Variants in SPATA18 observed in about 807,000 individuals in gnomAD.
SPATA18 encodes the protein mitochondria-eating protein.
Under a neutral mutation model 68.1 loss-of-function variants are expected in SPATA18, and 54 were observed. That is an observed-to-expected ratio of 0.79 (90% CI 0.64 to 0.99). The LOEUF is 0.99. Ranked by LOEUF, SPATA18 falls within the 50% of genes least tolerant of loss-of-function variation. The pLI is 0.00. For synonymous variants in SPATA18, 242 were observed against 244.8 expected (o/e 0.99, Z 0.11); for missense variants, 724 against 681.1 (o/e 1.06, Z -0.70).
At chr4:52,092,403 A>G (rs1262486924) in intron 11 of SPATA18, among the ~76,000 whole-genome samples, 2 of 152,234 alleles carry the variant, frequency 1.3e-5, no homozygotes, top group Admixed American at 6.5e-5. Flanking sequence ...GGACAAGCGC[A>G]GCATCTGTGC....
chr4:52,084,956 G>C lies in SPATA18; in HGVS notation c.1520G>C (p.Ser507Thr). Residue 507 changes from serine (S) to threonine (T), a missense_variant, in exon 11 of 13, where the codon AGT becomes ACT. By Grantham distance (58) the Ser-to-Thr change is moderately conservative. Coordinates refer to ENST00000295213, the MANE Select transcript of SPATA18 (RefSeq NM_145263.4). ...VRSVSRCRSR[S>T]LSPICPRSQI... ...TCTGTAAGTCGTTGTCGAAGCAGGA[G>C]TTTAAGTCCCATTTGCCCCCGTAGC... The C allele has an allele frequency of 6.2e-7, 1 of 1,613,604 alleles. No homozygotes were observed. The highest frequency in any genetic ancestry group is 1.1e-5 in the South Asian group (1 of 91,050).
chr4:52,060,702 C>G (rs1738761997), intron 2 of SPATA18, 80 bp from the exon 3 acceptor site: 1 of 1,254,026 alleles, frequency 8.0e-7, no homozygotes, highest in South Asian at 1.3e-5. Flanking sequence ...TACATGTACA[C>G]AACGTGCAGG....
intron 6 of SPATA18, among the ~76,000 whole-genome samples, chr4:52,073,421 A>G (rs1740045281): frequency 6.6e-6 from 1 of 152,144 alleles, no homozygotes; most frequent in Non-Finnish European, 1.5e-5. Flanking sequence ...AGTTTACAAT[A>G]TACCCAGTAC....
chr4:52,093,364 T>C (rs1339491134), intron 11 of SPATA18, among the ~76,000 whole-genome samples: 3 of 152,062 alleles, frequency 2.0e-5, no homozygotes, highest in Non-Finnish European at 4.4e-5. Context: ...TGTTTTAGAA[T>C]GGGTGGAATT....
intron 11 of SPATA18, 39 bp from the exon 12 acceptor site, chr4:52,094,488 T>G (rs760446545): frequency 6.3e-7 from 1 of 1,594,952 alleles, no homozygotes; most frequent in South Asian, 1.1e-5. Context: ...TTGAGCTCCG[T>G]CTACTATGTA....
chr4:52,078,894 G>C lies in SPATA18; in HGVS notation c.1179+1G>C, dbSNP rs771041726. ...ATATGATTCTCAAAGCAGTGTCAATGTAAGTGTTGAGTCTTTTATTAGGAC... is the reference window on the plus strand; with the variant it reads ...ATATGATTCTCAAAGCAGTGTCAATCTAAGTGTTGAGTCTTTTATTAGGAC... On this transcript the variant is annotated splice_donor_variant, in intron 8 of 12. Transcript: ENST00000295213. LOFTEE classifies it high-confidence loss of function. 1.9e-6 allele frequency: 3 copies of C among 1,573,530 alleles called. No individual in the cohort carries two copies. Among genetic ancestry groups the C allele is most frequent in the South Asian group, 2.3e-5 (2 of 87,320 alleles).
intron 11 of SPATA18, among the ~76,000 whole-genome samples, chr4:52,087,744 G>A (rs1741562218): frequency 6.6e-6 from 1 of 152,078 alleles, no homozygotes; most frequent in Admixed American, 6.6e-5. Context: ...GATTGTCTTG[G>A]CTAGGAGGGC....
chr4:52,051,538 C>G lies in SPATA18; in HGVS notation c.-167C>G. On this transcript the variant is annotated 5_prime_UTR_variant, in exon 1 of 13. Coordinates refer to ENST00000295213, the MANE Select transcript of SPATA18 (RefSeq NM_145263.4). ...GGCACCTCCCCTCTGGCTTCCCGAACCCGGCCAGGTCCGACCCGAGGGGGA... is the reference window on the plus strand; with the variant it reads ...GGCACCTCCCCTCTGGCTTCCCGAAGCCGGCCAGGTCCGACCCGAGGGGGA... 1 of 669,242 alleles carries G rather than the reference C, an allele frequency of 1.5e-6. No homozygotes were observed. The highest frequency in any genetic ancestry group is 2.6e-6 in the Non-Finnish European group (1 of 388,052). 41.5% of individuals were successfully genotyped at this position (669,242 alleles called of 1,614,324 possible). A position where few individuals can be genotyped will look rare whatever the true frequency, so the allele number is the denominator to read the frequency against.
chr4:52,093,901 C>A (rs892505285), intron 11 of SPATA18, among the ~76,000 whole-genome samples: 3 of 152,188 alleles, frequency 2.0e-5, no homozygotes, highest in Non-Finnish European at 4.4e-5. Context: ...ACTGGGTATA[C>A]CTGCAAAATA....
chr4:52,068,704 G>A (rs745850797), intron 4 of SPATA18, among the ~76,000 whole-genome samples: 3 of 152,190 alleles, frequency 2.0e-5, no homozygotes, highest in Non-Finnish European at 4.4e-5. Flanking sequence ...ATAAAGGCTG[G>A]TGTGAGTTTG....
At position 52,095,293 on chromosome 4, in the gene SPATA18, C is replaced by T. The variant is rs960046537; in HGVS notation, c.*406C>T. 15 of 194,744 alleles carry T rather than the reference C, an allele frequency of 7.7e-5. No homozygotes were observed. The highest frequency in any genetic ancestry group is 2.8e-4 in the African/African-American group (12 of 42,686). The allele number at this position is 194,744 out of a possible 1,614,324, so 12.1% of individuals were successfully genotyped here. ...GAATCATTTTAGTTTGCAGATGGAT[C>T]GTAAATATAATTGTTGGTATCAGCT... On this transcript the variant is annotated 3_prime_UTR_variant, in exon 13 of 13. Transcript: ENST00000295213.
At chr4:52,062,417 CAT>C in intron 4 of SPATA18, 85 bp downstream of exon 4, 1 of 928,828 alleles carries the variant, frequency 1.1e-6, no homozygotes, top group Non-Finnish European at 1.7e-6. Context: ...AATAATGGCT[CAT>C]GTAAAATGTG....
At chr4:52,082,721 A>T in intron 10 of SPATA18, 2 of 1,399,542 alleles carry the variant, frequency 1.4e-6, no homozygotes, top group Non-Finnish European at 1.9e-6. Context: ...TAATTTCTTT[A>T]CTTCTTGCTT....
At chr4:52,087,560 G>A (rs1287339262) in intron 11 of SPATA18, among the ~76,000 whole-genome samples, 1 of 152,056 alleles carries the variant, frequency 6.6e-6, no homozygotes, top group Non-Finnish European at 1.5e-5. Flanking sequence ...TGTCAGATTT[G>A]TCAAAGATCA....
Position 52,074,981 on chromosome 4 carries a change from T to G in SPATA18, c.759-1798T>G, listed in dbSNP as rs1227366752. On this transcript the variant is annotated intron_variant, in intron 6 of 12. Coordinates refer to ENST00000295213, the MANE Select transcript of SPATA18 (RefSeq NM_145263.4). ...CCAGCAGTCATCTAGAGGATGACTTTGAGAGGCTTGGTTATAATCCAGGAA... is the reference window on the plus strand; with the variant it reads ...CCAGCAGTCATCTAGAGGATGACTTGGAGAGGCTTGGTTATAATCCAGGAA... 2.0e-5 allele frequency among the ~76,000 whole-genome samples: 3 copies of G among 152,174 alleles called. No homozygotes were observed. The East Asian group carries it at 5.8e-4, about 29-fold the overall frequency.
intron 11 of SPATA18, among the ~76,000 whole-genome samples, chr4:52,089,093 A>G (rs1741712015): frequency 6.6e-6 from 1 of 152,048 alleles, no homozygotes; most frequent in Non-Finnish European, 1.5e-5. Flanking sequence ...GTATTCTCTG[A>G]TGGTAGTTTG....
At position 52,051,416 on chromosome 4, in the gene SPATA18, A is replaced by G. The variant is rs751521712; in HGVS notation, c.-289A>G. 1.2e-5 allele frequency: 5 copies of G among 400,814 alleles called. No individual in the cohort carries two copies. The highest frequency in any genetic ancestry group is 1.8e-5 in the Non-Finnish European group (4 of 222,574). The allele number at this position is 400,814 out of a possible 1,614,324, so 24.8% of individuals were successfully genotyped here. Reference sequence around the variant, plus strand: ...AACCCGTCCACGTCAAGGTTTGTTTAATAATCGCCAGGGTATCTATGGCCG... The same window carrying G: ...AACCCGTCCACGTCAAGGTTTGTTTGATAATCGCCAGGGTATCTATGGCCG... On this transcript the variant is annotated 5_prime_UTR_variant, in exon 1 of 13. Coordinates refer to ENST00000295213, the MANE Select transcript of SPATA18 (RefSeq NM_145263.4).
intron 11 of SPATA18, among the ~76,000 whole-genome samples, chr4:52,094,291 AG>A (rs1230304547): frequency 3.3e-5 from 5 of 152,222 alleles, no homozygotes; most frequent in Non-Finnish European, 5.9e-5. Flanking sequence ...CACTGAATTC[AG>A]TATGGCTGCT....
chr4:52,058,711 ATCCAGTC>A (rs1336561143), intron 1 of SPATA18, among the ~76,000 whole-genome samples: 7 of 152,106 alleles, frequency 4.6e-5, no homozygotes, highest in Middle Eastern at 3.2e-3. Context: ...TGGTTGCATC[ATCCAGTC>A]CTCCATGTAC....
Sources: allele counts gnomAD v4.1 joint callset (sites outside exome capture counted in the v4.1 genomes callset), GRCh38; gene constraint gnomAD v4.1.1; transcripts MANE v1.5; gene names NCBI Gene and HGNC (gene_info 2026-07-23, HGNC 2026-07-21).